DOK6: variants seen among roughly 807,000 people sequenced by gnomAD.
DOK6 encodes the protein downstream of tyrosine kinase 6.
Under a neutral mutation model 44.0 loss-of-function variants are expected in DOK6, and 22 were observed. That is an observed-to-expected ratio of 0.50 (90% CI 0.36 to 0.71). The LOEUF is 0.71. Ranked by LOEUF, DOK6 falls within the 30% of genes least tolerant of loss-of-function variation. The probability of loss-of-function intolerance (pLI) is 0.00; values close to 1 mark genes in which losing one functional copy is unlikely to be tolerated. For synonymous variants in DOK6, 166 were observed against 145.5 expected, an observed-to-expected ratio of 1.14 and a Z score of -1.01; for missense variants, 340 against 416.4, an observed-to-expected ratio of 0.82 and a Z score of 1.60.
chr18:69,470,708 A>G (rs912141778), intron 1 of DOK6, among the ~76,000 whole-genome samples: 3 of 152,108 alleles, frequency 2.0e-5, no homozygotes, highest in Non-Finnish European at 4.4e-5. Flanking sequence ...GGGAATACAT[A>G]TATATGTATA....
intron 3 of DOK6, among the ~76,000 whole-genome samples, chr18:69,666,285 G>C (rs1044901779): frequency 6.6e-6 from 1 of 152,058 alleles, no homozygotes; most frequent in Non-Finnish European, 1.5e-5. Flanking sequence ...GTTACTACAG[G>C]TGACGTTTTA....
intron 3 of DOK6, among the ~76,000 whole-genome samples, chr18:69,612,439 G>C (rs1984172562): frequency 6.8e-6 from 1 of 146,666 alleles, no homozygotes; most frequent in African/African-American, 2.5e-5. Context: ...GCATGTGTGC[G>C]AGGGCGCATG....
intron 5 of DOK6, chr18:69,724,965 C>G (rs1311834540): frequency 1.3e-5 from 2 of 152,192 alleles, no homozygotes; most frequent in African/African-American, 4.8e-5. Context: ...TGTAATGGCT[C>G]TTACTTCTAA....
Position 69,757,827 on chromosome 18 carries a change from T to C in DOK6, c.810T>C (p.His270=). ...SISLPRSAYW[H]HITRQNSVGE... ...CTCTTCCTCGCAGCGCGTACTGGCA[T>C]CACATCACTCGTCAGAACAGCGTTG... The change falls in exon 7 of 8, where the codon CAT becomes CAC. Residue 270 remains histidine, a synonymous_variant. Transcript: ENST00000382713. The C allele has an allele frequency of 1.2e-6, 2 of 1,614,188 alleles. No individual in the cohort carries two copies. Among genetic ancestry groups the C allele is most frequent in the Non-Finnish European group, 1.7e-6 (2 of 1,180,006 alleles).
chr18:69,577,639 G>T (rs1983268940), intron 2 of DOK6, among the ~76,000 whole-genome samples: 1 of 152,118 alleles, frequency 6.6e-6, no homozygotes. Flanking sequence ...ATGAAGAGCA[G>T]GGAATATGCC....
chr18:69,439,108 T>C (rs11664963), intron 1 of DOK6, among the ~76,000 whole-genome samples: 34,451 of 152,022 alleles, frequency 0.23, 4,220 homozygotes, highest in Middle Eastern at 0.39. Flanking sequence ...CACATTTCCA[T>C]CAGAGCTCTT....
chr18:69,446,561 G>A (rs1979299480), intron 1 of DOK6, among the ~76,000 whole-genome samples: 1 of 151,964 alleles, frequency 6.6e-6, no homozygotes, highest in Non-Finnish European at 1.5e-5. Context: ...TAATCCTTTG[G>A]GTATATACCC....
chr18:69,437,462 G>T (rs879204020), intron 1 of DOK6, among the ~76,000 whole-genome samples: 1 of 152,100 alleles, frequency 6.6e-6, no homozygotes, highest in East Asian at 1.9e-4. Flanking sequence ...AAAATCAGAT[G>T]GTTGTAAATG....
At position 69,677,863 on chromosome 18, in the gene DOK6, A is replaced by T; in HGVS notation, c.409+10A>T. 6.2e-7 allele frequency: 1 copy of T among 1,612,160 alleles called. No homozygotes were observed. The highest frequency in any genetic ancestry group is 8.5e-7 in the Non-Finnish European group (1 of 1,178,948). ...CAGCGGGAACAGAATGGTAGGTGTG[A>T]GATTGCCTTCCATCACTTCAGAATA... is the stretch of plus-strand genomic sequence containing the variant. On this transcript the variant is annotated intron_variant, in intron 4 of 7. Transcript: ENST00000382713.
chr18:69,540,205 T>C (rs562082771), intron 1 of DOK6, among the ~76,000 whole-genome samples: 1 of 152,338 alleles, frequency 6.6e-6, no homozygotes, highest in South Asian at 2.1e-4. Context: ...AACCTAACCA[T>C]ATCAATGTTT....
chr18:69,653,293 G>A (rs1319525267), intron 3 of DOK6, among the ~76,000 whole-genome samples: 2 of 141,988 alleles, frequency 1.4e-5, no homozygotes, highest in Non-Finnish European at 3.1e-5. Context: ...GCAGTCTTAT[G>A]AGACTGAGAC....
chr18:69,763,956 G>T (rs1048130746), intron 7 of DOK6, among the ~76,000 whole-genome samples: 1 of 152,156 alleles, frequency 6.6e-6, no homozygotes, highest in Non-Finnish European at 1.5e-5. Flanking sequence ...CATGAGGGTG[G>T]ACCTGAGAAA....
chr18:69,441,655 G>A (rs530420661), intron 1 of DOK6, among the ~76,000 whole-genome samples: 1 of 152,190 alleles, frequency 6.6e-6, no homozygotes, highest in East Asian at 1.9e-4. Flanking sequence ...ACATGCACTG[G>A]ATAATATAGC....
At chr18:69,671,248 T>C (rs536193983) in intron 3 of DOK6, among the ~76,000 whole-genome samples, 14 of 152,364 alleles carry the variant, frequency 9.2e-5, no homozygotes, top group African/African-American at 3.4e-4. Flanking sequence ...TGGCCATGTT[T>C]GAAAGCCTAA....
intron 1 of DOK6, among the ~76,000 whole-genome samples, chr18:69,504,094 A>G (rs1234529953): frequency 1.3e-5 from 2 of 152,144 alleles, no homozygotes; most frequent in Admixed American, 6.5e-5. Context: ...CTAATTACCA[A>G]TCTAGTTGTC....
At chr18:69,814,685 C>T (rs1198865504) in intron 7 of DOK6, among the ~76,000 whole-genome samples, 1 of 152,128 alleles carries the variant, frequency 6.6e-6, no homozygotes, top group Non-Finnish European at 1.5e-5. Context: ...GGCATGTCTT[C>T]TCATGGTAGC....
intron 1 of DOK6, among the ~76,000 whole-genome samples, chr18:69,477,712 A>G (rs1255521079): frequency 6.6e-6 from 1 of 152,190 alleles, no homozygotes. Context: ...TCAAAGAAAA[A>G]TTTTTGAACA....
intron 4 of DOK6, 126 bp downstream of exon 4, chr18:69,677,979 T>C: frequency 2.2e-6 from 3 of 1,386,620 alleles, no homozygotes; most frequent in Non-Finnish European, 2.8e-6. Flanking sequence ...CCGAGTGCAG[T>C]GGCGCAAACC....
intron 3 of DOK6, among the ~76,000 whole-genome samples, chr18:69,639,297 G>T (rs1313158201): frequency 6.6e-6 from 1 of 152,124 alleles, no homozygotes; most frequent in African/African-American, 2.4e-5. Flanking sequence ...CCCATCCTCT[G>T]CTCTCTTAGA....
Sources: gnomAD v4.1 joint callset for allele counts (sites outside exome capture counted in the v4.1 genomes callset) on GRCh38, gnomAD v4.1.1 for gene constraint, MANE v1.5 for transcripts, NCBI Gene and HGNC (gene_info 2026-07-23, HGNC 2026-07-21) for gene names.